The following RNF10 variants were observed in gnomAD, a reference collection of about 807,000 sequenced individuals.
The protein encoded by RNF10 is ring finger protein 10, also known as E3 ubiquitin-protein ligase RNF10.
Under a neutral mutation model 91.4 loss-of-function variants are expected in RNF10, and 38 were observed. The observed-to-expected ratio is 0.42, with a 90% CI of 0.32 to 0.54. The LOEUF (loss-of-function observed/expected upper bound fraction) is 0.54. Among genes scored for constraint, RNF10 ranks in the 20% least tolerant of loss-of-function variants. The pLI is 0.16. For synonymous variants in RNF10, 364 were observed against 366.3 expected (o/e 0.99, Z 0.07); for missense variants, 945 against 1,012.0 (o/e 0.93, Z 0.90).
At chr12:120,537,818 C>T (rs949275763) in intron 1 of RNF10, among the ~76,000 whole-genome samples, 1 of 152,094 alleles carries the variant, frequency 6.6e-6, no homozygotes, top group Non-Finnish European at 1.5e-5. Flanking sequence ...TGCTTCTTCA[C>T]TAGCCATAAT....
At chr12:120,572,361 C>T (rs1447488110) in intron 14 of RNF10, among the ~76,000 whole-genome samples, 1 of 151,800 alleles carries the variant, frequency 6.6e-6, no homozygotes, top group African/African-American at 2.4e-5. Context: ...CCACCATGCC[C>T]GGCCATTGAC....
chr12:120,546,385 T>G lies in RNF10; in HGVS notation c.158-20T>G. On this transcript the variant is annotated intron_variant, in intron 1 of 16. Coordinates refer to ENST00000325954, the MANE Select transcript of RNF10 (RefSeq NM_014868.5). ...ATGTATCAGCTTCTTAAGACGTTCT[T>G]TTGTGTTTCTTGCTTTCAGATGGAA... 6.3e-7 allele frequency: 1 copy of G among 1,599,694 alleles called. No homozygotes were observed. The highest frequency in any genetic ancestry group is 8.5e-7 in the Non-Finnish European group (1 of 1,173,604).
intron 3 of RNF10, among the ~76,000 whole-genome samples, chr12:120,553,292 AT>A: frequency 6.7e-6 from 1 of 148,874 alleles, no homozygotes; most frequent in South Asian, 2.1e-4. Flanking sequence ...GTTTCACCAT[AT>A]TGGCCAGGCT....
intron 2 of RNF10, among the ~76,000 whole-genome samples, chr12:120,548,397 A>T (rs1189467819): frequency 1.3e-5 from 2 of 152,196 alleles, no homozygotes; most frequent in East Asian, 3.8e-4. Flanking sequence ...CCAGCAGAAG[A>T]GAGCACAGTC....
At chr12:120,538,101 G>T (rs943681787) in intron 1 of RNF10, among the ~76,000 whole-genome samples, 17 of 152,174 alleles carry the variant, frequency 1.1e-4, no homozygotes, top group Non-Finnish European at 5.9e-5. Flanking sequence ...TCATATACTT[G>T]ATTCTGCTGG....
intron 2 of RNF10, among the ~76,000 whole-genome samples, chr12:120,549,975 C>G (rs1872809522): frequency 6.6e-6 from 1 of 151,944 alleles, no homozygotes. Context: ...ACAGAATGCT[C>G]AAAGTTAAGA....
Position 120,563,008 on chromosome 12 carries a change from G to A in RNF10, c.1192G>A (p.Ala398Thr), listed in dbSNP as rs775716902. 2 of 1,614,156 alleles carry A rather than the reference G, an allele frequency of 1.2e-6. No homozygotes were observed. Among genetic ancestry groups the A allele is most frequent in the East Asian group, 4.5e-5 (2 of 44,880 alleles). Residue 398 changes from alanine (A) to threonine (T), a missense_variant, in exon 8 of 17, where the codon GCT becomes ACT. By Grantham distance (58) the Ala-to-Thr change is moderately conservative (BLOSUM62 0). Transcript: ENST00000325954. Reference sequence around the variant, plus strand: ...AAGGGAGGTCACTGGTGTTGTGGCTGCTCTGGAACAACTGGTGCTGATGGC... The same window carrying A: ...AAGGGAGGTCACTGGTGTTGTGGCTACTCTGGAACAACTGGTGCTGATGGC... ...SRREVTGVVA[A>T]LEQLVLMAPL...
chr12:120,538,864 G>A (rs931484240), intron 1 of RNF10, among the ~76,000 whole-genome samples: 1 of 152,214 alleles, frequency 6.6e-6, no homozygotes, highest in African/African-American at 2.4e-5. Flanking sequence ...CAGGTTACTA[G>A]TGGTAATCTG....
chr12:120,572,492 G>A (rs1328771670), intron 14 of RNF10, among the ~76,000 whole-genome samples: 3 of 152,188 alleles, frequency 2.0e-5, no homozygotes, highest in South Asian at 2.1e-4. Flanking sequence ...TGAAATAATT[G>A]TGGAGGTGAG....
intron 12 of RNF10, 72 bp downstream of exon 12, chr12:120,565,601 T>C: frequency 2.3e-6 from 3 of 1,315,764 alleles, no homozygotes; most frequent in South Asian, 1.2e-5. Flanking sequence ...GTCTGGGACC[T>C]GGGAGCCAGA....
intron 6 of RNF10, among the ~76,000 whole-genome samples, chr12:120,558,363 G>T (rs981255932): frequency 3.3e-5 from 5 of 151,458 alleles, no homozygotes; most frequent in Non-Finnish European, 5.9e-5. Context: ...TTCTCATTTG[G>T]GTGGTAAATG....
Position 120,557,697 on chromosome 12 carries a change from T to C in RNF10, c.967+15T>C. ...TCATCTAGGAGGTGAGTTCTTTAAA[T>C]TTTGGGGACAAATAATCCTGGGTAC... On this transcript the variant is annotated intron_variant, in intron 6 of 16. Coordinates refer to ENST00000325954, the MANE Select transcript of RNF10 (RefSeq NM_014868.5). The C allele has an allele frequency of 6.2e-7, 1 of 1,613,924 alleles. No homozygotes were observed. Among genetic ancestry groups the C allele is most frequent in the East Asian group, 2.2e-5 (1 of 44,872 alleles).
chr12:120,551,292 T>TTTTG (rs1218231027), intron 2 of RNF10, among the ~76,000 whole-genome samples: 2,238 of 127,100 alleles, frequency 0.018, 84 homozygotes, highest in African/African-American at 0.059. Flanking sequence ...ATCCTAGTGT[T>TTTTG]TTTTTTTTTT....
At chr12:120,536,464 C>CA (rs199838762) in intron 1 of RNF10, among the ~76,000 whole-genome samples, 7,000 of 151,618 alleles carry the variant, frequency 0.046, 263 homozygotes, top group South Asian at 0.1. Context: ...TTAAAACAAA[C>CA]AAAAAAAACA....
At chr12:120,539,500 TCAG>T in intron 1 of RNF10, 1 of 1,107,060 alleles carries the variant, frequency 9.0e-7, no homozygotes, top group Non-Finnish European at 1.2e-6. Context: ...ACAGCATGAA[TCAG>T]CAGCAGAAAC....
intron 6 of RNF10, among the ~76,000 whole-genome samples, chr12:120,559,952 C>T (rs1398012130): frequency 1.3e-5 from 2 of 151,988 alleles, no homozygotes; most frequent in Non-Finnish European, 2.9e-5. Flanking sequence ...CTGCCTCAGC[C>T]TCCCAAAGTG....
In RNF10 at chr12:120,563,948, G is replaced by C; in HGVS notation, c.1665+5G>C. On this transcript the variant is annotated splice_donor_5th_base_variant and intron_variant, in intron 10 of 16. Transcript: ENST00000325954. ...GCTGGCTACTCCATGTCTGAGGTGA[G>C]GCCTTCCTGTAGAAATGGAGGGTCA... 6.2e-7 allele frequency: 1 copy of C among 1,614,100 alleles called. No individual in the cohort carries two copies. The highest frequency in any genetic ancestry group is 8.5e-7 in the Non-Finnish European group (1 of 1,180,008).
chr12:120,534,680 C>T lies in RNF10; in HGVS notation c.-132C>T. 1 of 1,380,512 alleles carries T rather than the reference C, an allele frequency of 7.2e-7. No individual in the cohort carries two copies. Among genetic ancestry groups the T allele is most frequent in the Non-Finnish European group, 9.3e-7 (1 of 1,076,672 alleles). The allele number at this position is 1,380,512 out of a possible 1,614,324, so 85.5% of individuals were successfully genotyped here. ...TAGTTTGAGAAGCCAAGGAAGGAAA[C>T]AGGGAAAAATGTCGCCATGAAGGCC... On this transcript the variant is annotated 5_prime_UTR_variant, in exon 1 of 17. Transcript: ENST00000325954.
chr12:120,566,761 CAAA>C (rs35194242), intron 12 of RNF10, 61 bp from the exon 13 acceptor site: 25,391 of 1,270,006 alleles, frequency 0.02, 2 homozygotes, highest in East Asian at 0.045. Flanking sequence ...GACCCCATCT[CAAA>C]AAAAAAAAAA....
Sources: allele counts gnomAD v4.1 joint callset (sites outside exome capture counted in the v4.1 genomes callset), GRCh38; gene constraint gnomAD v4.1.1; transcripts MANE v1.5; gene names NCBI Gene and HGNC (gene_info 2026-07-23, HGNC 2026-07-21).